FNDC3A: variants seen among roughly 807,000 people sequenced by gnomAD.
FNDC3A encodes the protein fibronectin type III domain containing 3A, also known as fibronectin type-III domain-containing protein 3A.
A neutral mutation model predicts 148.9 loss-of-function variants in FNDC3A; 32 were observed. The observed-to-expected ratio is 0.21, with a 90% confidence interval of 0.16 to 0.29. The LOEUF (loss-of-function observed/expected upper bound fraction) is 0.29, where lower values mean the gene tolerates loss of function less well. Ranked by LOEUF, FNDC3A falls within the 10% of genes least tolerant of loss-of-function variation. FNDC3A has a pLI of 1.00. For missense variants in FNDC3A, 1,191 were observed against 1,452.8 expected, an observed-to-expected ratio of 0.82 and a Z score of 2.93; for synonymous variants, 472 against 473.6, an observed-to-expected ratio of 1.00 and a Z score of 0.04.
chr13:49,005,306 A>G lies in FNDC3A; in HGVS notation c.-39-846A>G, dbSNP rs185261773. Among the ~76,000 whole-genome samples, 13 of 151,974 alleles carry G rather than the reference A, an allele frequency of 8.6e-5. No homozygotes were observed. The East Asian group carries it at 2.3e-3, about 27-fold the overall frequency. On this transcript the variant is annotated intron_variant, in intron 1 of 25. Coordinates refer to ENST00000492622, the MANE Select transcript of FNDC3A (RefSeq NM_001079673.2). ...ATTGCAGAATGCTGTAAACATTCCA[A>G]AATGTTTATTTTATTTTTCAATATA...
intron 5 of FNDC3A, among the ~76,000 whole-genome samples, chr13:49,135,414 A>T (rs1882296700): frequency 6.6e-6 from 1 of 152,078 alleles, no homozygotes; most frequent in Non-Finnish European, 1.5e-5. Context: ...CGTCTAAGAA[A>T]CTATTGCCAA....
chr13:49,149,622 C>T (rs1461282572), intron 8 of FNDC3A, among the ~76,000 whole-genome samples: 1 of 152,048 alleles, frequency 6.6e-6, no homozygotes, highest in Non-Finnish European at 1.5e-5. Context: ...GATTTCGTGT[C>T]CGTGTTTATC....
chr13:49,183,399 C>T (rs1020637602), intron 14 of FNDC3A, among the ~76,000 whole-genome samples: 1 of 152,206 alleles, frequency 6.6e-6, no homozygotes, highest in Non-Finnish European at 1.5e-5. Context: ...AAGGTACAAT[C>T]TGCTCACACA....
At chr13:49,117,031 G>A (rs1157155176) in intron 4 of FNDC3A, among the ~76,000 whole-genome samples, 1 of 152,162 alleles carries the variant, frequency 6.6e-6, no homozygotes. Context: ...AGGGAGAATA[G>A]AAGGGAATGA....
intron 2 of FNDC3A, among the ~76,000 whole-genome samples, chr13:49,073,564 A>C (rs1264451578): frequency 6.6e-6 from 1 of 151,650 alleles, no homozygotes; most frequent in Non-Finnish European, 1.5e-5. Flanking sequence ...ATATTGTATG[A>C]AATTACCTTC....
At chr13:49,192,005 A>T (rs963818106) in intron 19 of FNDC3A, among the ~76,000 whole-genome samples, 1 of 152,192 alleles carries the variant, frequency 6.6e-6, no homozygotes, top group African/African-American at 2.4e-5. Context: ...CTAATAAGTG[A>T]TAGAGGTAAG....
chr13:49,186,493 C>T (rs1410994391), intron 15 of FNDC3A, among the ~76,000 whole-genome samples: 1 of 152,192 alleles, frequency 6.6e-6, no homozygotes. Context: ...TAAACTTGAC[C>T]CTTGCCTGAA....
intron 2 of FNDC3A, among the ~76,000 whole-genome samples, chr13:49,049,541 G>A (rs1875672023): frequency 6.6e-6 from 1 of 151,842 alleles, no homozygotes; most frequent in Admixed American, 6.6e-5. Flanking sequence ...AATCTAGGAG[G>A]CTGTATATTT....
chr13:49,152,972 T>G (rs1883409859), intron 8 of FNDC3A, among the ~76,000 whole-genome samples: 1 of 150,096 alleles, frequency 6.7e-6, no homozygotes, highest in South Asian at 2.1e-4. Flanking sequence ...AATGCCGCAG[T>G]AAACATACGT....
chr13:49,105,526 A>T (rs147315763), intron 3 of FNDC3A, among the ~76,000 whole-genome samples: 407 of 152,306 alleles, frequency 2.7e-3, no homozygotes, highest in African/African-American at 8.6e-3. Flanking sequence ...TGGAATTTGT[A>T]TCTCTAGACT....
chr13:49,090,571 G>A (rs555759130), intron 3 of FNDC3A, among the ~76,000 whole-genome samples: 83 of 152,184 alleles, frequency 5.5e-4, no homozygotes, highest in African/African-American at 1.6e-3. Flanking sequence ...GTTATTGTAC[G>A]ACCCTCTATT....
intron 8 of FNDC3A, among the ~76,000 whole-genome samples, chr13:49,150,249 A>T (rs1883212145): frequency 6.6e-6 from 1 of 151,368 alleles, no homozygotes; most frequent in Admixed American, 6.6e-5. Context: ...GTCTGCTCTG[A>T]TCTGCACCAC....
chr13:49,170,999 T>C (rs1270736183), intron 10 of FNDC3A, among the ~76,000 whole-genome samples: 4 of 152,204 alleles, frequency 2.6e-5, no homozygotes, highest in African/African-American at 9.6e-5. Flanking sequence ...CTTTGGATTC[T>C]CTTCCTCTAT....
intron 3 of FNDC3A, among the ~76,000 whole-genome samples, chr13:49,098,953 C>A (rs1186054963): frequency 1.3e-5 from 2 of 152,072 alleles, no homozygotes; most frequent in Admixed American, 1.3e-4. Context: ...TTCTGACTCA[C>A]CAATTTGGTG....
chr13:48,986,265 G>T lies in FNDC3A; in HGVS notation c.-40+10088G>T, dbSNP rs371709647. On this transcript the variant is annotated intron_variant, in intron 1 of 25. Transcript: ENST00000492622. Reference sequence around the variant, plus strand: ...ATGTAGTTTTTTTAAAGTCCCATATGTCTGGATATTTTGATCCTCCCCTTT... The same window carrying T: ...ATGTAGTTTTTTTAAAGTCCCATATTTCTGGATATTTTGATCCTCCCCTTT... Among the ~76,000 whole-genome samples the T allele has an allele frequency of 4.1e-3, 616 of 150,784 alleles. 3 individuals carry two copies. Among genetic ancestry groups the T allele is most frequent in the African/African-American group, 0.014 (587 of 40,962 alleles).
chr13:49,048,215 A>G (rs1464537408), intron 2 of FNDC3A, among the ~76,000 whole-genome samples: 1 of 152,070 alleles, frequency 6.6e-6, no homozygotes, highest in African/African-American at 2.4e-5. Context: ...GAAATCGGGT[A>G]ATGTGAAGTT....
chr13:49,043,748 A>G (rs7333683), intron 2 of FNDC3A, among the ~76,000 whole-genome samples: 24 of 152,216 alleles, frequency 1.6e-4, no homozygotes, highest in African/African-American at 5.3e-4. Flanking sequence ...ACAACCCCCC[A>G]TAAACTTTTT....
chr13:49,044,737 G>A, intron 2 of FNDC3A: 1 of 395,062 alleles, frequency 2.5e-6, no homozygotes, highest in Non-Finnish European at 5.0e-6. Flanking sequence ...ACAAGATATA[G>A]CAATAGCTAA....
intron 2 of FNDC3A, among the ~76,000 whole-genome samples, chr13:49,022,342 A>T (rs1033730304): frequency 9.9e-5 from 15 of 152,270 alleles, no homozygotes; most frequent in Non-Finnish European, 1.9e-4. Context: ...TTTGTTTCTG[A>T]GATTAGCTTT....
Sources: allele counts gnomAD v4.1 joint callset (sites outside exome capture counted in the v4.1 genomes callset), GRCh38; gene constraint gnomAD v4.1.1; transcripts MANE v1.5; gene names NCBI Gene and HGNC (gene_info 2026-07-23, HGNC 2026-07-21).